Variants in FAM111B observed in about 807,000 individuals in gnomAD.
FAM111B encodes serine protease FAM111B.
Under a neutral mutation model 2.8 loss-of-function variants are expected in FAM111B, and 1 was observed. The observed-to-expected ratio is 0.36, with a 90% CI of 0.13 to 1.70. FAM111B has a LOEUF of 1.70. Ranked by LOEUF, FAM111B falls within the 40% of genes most tolerant of loss-of-function variation. The pLI, the probability that FAM111B is intolerant of heterozygous loss-of-function variation, is 0.35. For synonymous variants in FAM111B, 297 were observed against 295.6 expected (o/e 1.00, Z -0.05); for missense variants, 882 against 878.9 (o/e 1.00, Z -0.04).
At position 59,116,491 on chromosome 11, in the gene FAM111B, G is replaced by A. The variant is rs1590889668; in HGVS notation, c.81+6785G>A. 2.0e-5 allele frequency among the ~76,000 whole-genome samples: 3 copies of A among 152,280 alleles called. No individual in the cohort carries two copies. In the South Asian group the frequency reaches 6.2e-4, roughly 32 times the overall value. ...CAGAGCATTCTAGGGCTCAGTGAAG[G>A]GACATTCAAAAGAGCCAGGTCCTCC... On this transcript the variant is annotated intron_variant, in intron 3 of 3. Coordinates refer to ENST00000343597, the MANE Select transcript of FAM111B (RefSeq NM_198947.4).
intron 3 of FAM111B, among the ~76,000 whole-genome samples, chr11:59,119,510 C>A (rs556713366): frequency 7.8e-4 from 119 of 152,262 alleles, no homozygotes; most frequent in African/African-American, 2.8e-3. Context: ...CTATGTTATT[C>A]CATGGTGGCC....
intron 3 of FAM111B, among the ~76,000 whole-genome samples, chr11:59,123,119 T>G (rs894144693): frequency 6.6e-6 from 1 of 152,200 alleles, no homozygotes; most frequent in African/African-American, 2.4e-5. Context: ...TCCCATCCTA[T>G]TATTTATCTG....
chr11:59,124,581 C>T lies in FAM111B; in HGVS notation c.484C>T (p.Gln162Ter). ...SDSHFKITFG[Q>*]RKSSKEDGHI... The stretch of plus-strand genomic sequence containing the variant: ...TTCTCATTTTAAAATTACATTTGGT[C>T]AAAGAAAGAGTAGCAAAGAAGATGG... Residue 162 changes from glutamine (Q) to a stop codon, truncating the protein, a stop_gained, in exon 4 of 4, where the codon CAA becomes TAA. Transcript: ENST00000343597. LOFTEE classifies it low-confidence loss of function (END_TRUNC). The T allele has an allele frequency of 3.1e-6, 5 of 1,613,410 alleles. No individual in the cohort carries two copies. Among genetic ancestry groups the T allele is most frequent in the Non-Finnish European group, 4.2e-6 (5 of 1,179,736 alleles).
chr11:59,114,873 G>T (rs1859816117), intron 3 of FAM111B, among the ~76,000 whole-genome samples: 1 of 152,108 alleles, frequency 6.6e-6, no homozygotes, highest in Non-Finnish European at 1.5e-5. Context: ...GAGAATGGCG[G>T]AGGCTGTTTT....
chr11:59,119,735 A>G (rs1859892453), intron 3 of FAM111B, among the ~76,000 whole-genome samples: 1 of 152,242 alleles, frequency 6.6e-6, no homozygotes, highest in Non-Finnish European at 1.5e-5. Flanking sequence ...GAATCATTAT[A>G]AGTATTTCCC....
Position 59,125,778 on chromosome 11 carries a change from C to G in FAM111B, c.1681C>G (p.Leu561Val), listed in dbSNP as rs1565191456. 8 of 1,613,850 alleles carry G rather than the reference C, an allele frequency of 5.0e-6. No homozygotes were observed. The South Asian group carries it at 8.8e-5, about 18-fold the overall frequency. Residue 561 changes from leucine to valine, a missense_variant, in exon 4 of 4, where the codon CTA becomes GTA. By Grantham distance (32) the Leu-to-Val change is conservative (BLOSUM62 1). Transcript: ENST00000343597. ...KENGNAFPPGLWRQISPQPST... is the reference protein window; with the variant it reads ...KENGNAFPPGVWRQISPQPST... ...AAATGGAAATGCGTTTCCTCCAGGA[C>G]TATGGCGACAGATTTCTCCTCAACC... is the stretch of plus-strand genomic sequence containing the variant.
chr11:59,114,032 T>C (rs1176611475), intron 3 of FAM111B, among the ~76,000 whole-genome samples: 3 of 152,210 alleles, frequency 2.0e-5, no homozygotes, highest in Non-Finnish European at 4.4e-5. Context: ...TAGAAAGTTT[T>C]CGCTAGTGGA....
At chr11:59,119,113 T>C (rs1487390910) in intron 3 of FAM111B, among the ~76,000 whole-genome samples, 1 of 152,240 alleles carries the variant, frequency 6.6e-6, no homozygotes, top group East Asian at 1.9e-4. Flanking sequence ...GGATTGTTCC[T>C]TCTAATATTT....
In FAM111B at chr11:59,125,494, G is replaced by A; in HGVS notation, c.1397G>A (p.Trp466Ter). The change falls in exon 4 of 4, where the codon TGG becomes TAG. Residue 466 changes from tryptophan to a stop codon, truncating the protein, a stop_gained. Transcript: ENST00000343597. LOFTEE classifies it low-confidence loss of function (END_TRUNC). ...AGCAAGTCAGTTGGGTTCATGCAAT[G>A]GGACAATAATGGAAACACAGGTAAT... ...YYSKSVGFMQ[W>*]DNNGNTGNAT... 1 of 1,613,934 alleles carries A rather than the reference G, an allele frequency of 6.2e-7. No individual in the cohort carries two copies. Among genetic ancestry groups the A allele is most frequent in the Non-Finnish European group, 8.5e-7 (1 of 1,179,820 alleles).
intron 3 of FAM111B, among the ~76,000 whole-genome samples, chr11:59,119,129 T>A (rs757529324): frequency 6.6e-6 from 1 of 152,202 alleles, no homozygotes; most frequent in Non-Finnish European, 1.5e-5. Context: ...TATTTTTGGG[T>A]AGCTGATTTC....
At chr11:59,108,046 C>G (rs1246501567) in intron 1 of FAM111B, among the ~76,000 whole-genome samples, 4 of 152,236 alleles carry the variant, frequency 2.6e-5, no homozygotes, top group African/African-American at 9.6e-5. Context: ...CTTGGTGCGC[C>G]TTTGAGGCGG....
chr11:59,123,575 T>C (rs983699226), intron 3 of FAM111B, among the ~76,000 whole-genome samples: 5 of 152,206 alleles, frequency 3.3e-5, no homozygotes, highest in African/African-American at 7.2e-5. Flanking sequence ...TTGTCATATT[T>C]AGAATAAGAA....
Position 59,125,260 on chromosome 11 carries a change from T to TA in FAM111B, c.1166dup (p.Asn390GlufsTer7), listed in dbSNP as rs1339828596. On this transcript the variant is annotated frameshift_variant, in exon 4 of 4. Coordinates refer to ENST00000343597, the MANE Select transcript of FAM111B (RefSeq NM_198947.4). LOFTEE classifies it low-confidence loss of function (END_TRUNC). ...GTCCAAAAGGAGGCAATTAATCTCT[T>TA]AAAGAATTATCAAACGTTGAATGAA... is the stretch of plus-strand genomic sequence containing the variant. 1.9e-6 allele frequency: 3 copies of TA among 1,613,876 alleles called. No individual in the cohort carries two copies. Among genetic ancestry groups the TA allele is most frequent in the Non-Finnish European group, 2.5e-6 (3 of 1,179,836 alleles).
At chr11:59,114,698 C>T (rs751167483) in intron 3 of FAM111B, among the ~76,000 whole-genome samples, 2 of 152,162 alleles carry the variant, frequency 1.3e-5, no homozygotes, top group African/African-American at 4.8e-5. Context: ...TGCAAACCTA[C>T]GTGCCTGGTA....
chr11:59,123,168 GACAGA>G (rs1427239302), intron 3 of FAM111B, among the ~76,000 whole-genome samples: 1 of 151,998 alleles, frequency 6.6e-6, no homozygotes, highest in Non-Finnish European at 1.5e-5. Flanking sequence ...CAAAACCATT[GACAGA>G]ACAGAAACTA....
chr11:59,120,440 A>G (rs1859903663), intron 3 of FAM111B, among the ~76,000 whole-genome samples: 1 of 152,196 alleles, frequency 6.6e-6, no homozygotes, highest in South Asian at 2.1e-4. Context: ...GGCTCTACAT[A>G]ATGTATTTTC....
Position 59,125,833 on chromosome 11 carries a change from A to T in FAM111B, c.1736A>T (p.His579Leu), listed in dbSNP as rs1233031582. Reference protein sequence around the residue: ...PSTGLIYLIGHPEGQIKKIDG... With the variant: ...PSTGLIYLIGLPEGQIKKIDG... ...ACTGGTTTGATTTATTTAATTGGTC[A>T]TCCTGAAGGCCAGATCAAGAAAATA... Residue 579 changes from histidine to leucine, a missense_variant, in exon 4 of 4, where the codon CAT becomes CTT. His to Leu is a moderately conservative substitution (Grantham distance 99). Coordinates refer to ENST00000343597, the MANE Select transcript of FAM111B (RefSeq NM_198947.4). 1.9e-6 allele frequency: 3 copies of T among 1,613,934 alleles called. No homozygotes were observed. The highest frequency in any genetic ancestry group is 2.5e-6 in the Non-Finnish European group (3 of 1,179,830).
intron 3 of FAM111B, among the ~76,000 whole-genome samples, chr11:59,117,904 G>A (rs1859862633): frequency 1.3e-5 from 2 of 152,194 alleles, no homozygotes; most frequent in South Asian, 4.1e-4. Flanking sequence ...AGCAACGAAA[G>A]CATAGATTTA....
At position 59,124,693 on chromosome 11, in the gene FAM111B, T is replaced by A; in HGVS notation, c.596T>A (p.Val199Asp). ...ATAGGAAGGACAAGAAAGAAGATTG[T>A]TAAGATCAACGAACTTCATGAAAAA... ...VAIGRTRKKI[V>D]KINELHEKGS... The change falls in exon 4 of 4, where the codon GTT (valine) becomes GAT (aspartate). Residue 199 changes from valine to aspartate, a missense_variant. Val to Asp is a radical substitution (Grantham distance 152, BLOSUM62 -3). Coordinates refer to ENST00000343597, the MANE Select transcript of FAM111B (RefSeq NM_198947.4). The A allele has an allele frequency of 6.2e-7, 1 of 1,613,780 alleles. No individual in the cohort carries two copies. Among genetic ancestry groups the A allele is most frequent in the Non-Finnish European group, 8.5e-7 (1 of 1,179,794 alleles).
Sources: gnomAD v4.1 joint callset for allele counts (sites outside exome capture counted in the v4.1 genomes callset) on GRCh38, gnomAD v4.1.1 for gene constraint, MANE v1.5 for transcripts, NCBI Gene and HGNC (gene_info 2026-07-23, HGNC 2026-07-21) for gene names.